The following VTI1A variants were observed in gnomAD, a reference collection of about 807,000 sequenced individuals.
VTI1A encodes the protein vesicle transport through interaction with t-SNAREs 1A, also known as vesicle transport through interaction with t-SNAREs homolog 1A.
A neutral mutation model predicts 34.9 loss-of-function variants in VTI1A; 22 were observed. The ratio of observed to expected loss-of-function variants is 0.63; its 90% CI spans 0.45 to 0.90. The LOEUF (loss-of-function observed/expected upper bound fraction) is 0.90. Among genes scored for constraint, VTI1A ranks in the 40% least tolerant of loss-of-function variants. VTI1A has a pLI of 0.00. For missense variants in VTI1A, 268 were observed against 275.6 expected (o/e 0.97, Z 0.20); for synonymous variants, 87 against 97.3 (o/e 0.89, Z 0.62).
At chr10:112,688,343 CT>C (rs935290383) in intron 7 of VTI1A, among the ~76,000 whole-genome samples, 2 of 151,970 alleles carry the variant, frequency 1.3e-5, no homozygotes, top group African/African-American at 4.8e-5. Context: ...AAAATCACTC[CT>C]AACACCATAA....
At chr10:112,543,964 G>T (rs936231951) in intron 5 of VTI1A, among the ~76,000 whole-genome samples, 1 of 152,138 alleles carries the variant, frequency 6.6e-6, no homozygotes, top group Admixed American at 6.5e-5. Context: ...GTTTTTGTCA[G>T]GTTTCTCAAA....
At chr10:112,498,131 T>C (rs1308116978) in intron 3 of VTI1A, among the ~76,000 whole-genome samples, 1 of 152,196 alleles carries the variant, frequency 6.6e-6, no homozygotes, top group Non-Finnish European at 1.5e-5. Context: ...TCTCCAAGCA[T>C]TCAGAATGCA....
chr10:112,509,399 A>G (rs912633992), intron 3 of VTI1A, among the ~76,000 whole-genome samples: 24 of 152,356 alleles, frequency 1.6e-4, no homozygotes, highest in African/African-American at 3.6e-4. Context: ...AGTGGTAGAA[A>G]GTAGCCCCAA....
At chr10:112,696,690 T>C (rs1243727904) in intron 7 of VTI1A, among the ~76,000 whole-genome samples, 1 of 152,194 alleles carries the variant, frequency 6.6e-6, no homozygotes. Context: ...GGCTGAGTCT[T>C]CGAGAAGAAA....
At chr10:112,754,721 C>T (rs1409918995) in intron 7 of VTI1A, among the ~76,000 whole-genome samples, 1 of 152,298 alleles carries the variant, frequency 6.6e-6, no homozygotes, top group Admixed American at 6.5e-5. Flanking sequence ...GGCAGCTGGC[C>T]AGGCACCCAG....
intron 7 of VTI1A, among the ~76,000 whole-genome samples, chr10:112,719,005 T>C (rs1849703258): frequency 6.6e-6 from 1 of 152,226 alleles, no homozygotes; most frequent in Non-Finnish European, 1.5e-5. Flanking sequence ...GTCAGTGTTT[T>C]CAATATGAAC....
intron 3 of VTI1A, among the ~76,000 whole-genome samples, chr10:112,498,972 G>C (rs1364866267): frequency 6.6e-6 from 1 of 152,122 alleles, no homozygotes; most frequent in African/African-American, 2.4e-5. Context: ...GGGGGCGGGA[G>C]GGTTGGTACC....
chr10:112,697,686 G>A (rs372333119), intron 7 of VTI1A, among the ~76,000 whole-genome samples: 1 of 151,978 alleles, frequency 6.6e-6, no homozygotes, highest in Admixed American at 6.6e-5. Flanking sequence ...GTGAGCCACC[G>A]CGCCCAGCCT....
At chr10:112,623,436 CTT>C (rs36045478) in intron 5 of VTI1A, among the ~76,000 whole-genome samples, 320 of 134,054 alleles carry the variant, frequency 2.4e-3, no homozygotes, top group Middle Eastern at 7.5e-3. Flanking sequence ...TTAAAATAAC[CTT>C]TTTTTTTTTT....
At chr10:112,637,113 GTTTA>G in intron 5 of VTI1A, among the ~76,000 whole-genome samples, 1 of 152,196 alleles carries the variant, frequency 6.6e-6, no homozygotes, top group East Asian at 1.9e-4. Flanking sequence ...ATTAGAAATT[GTTTA>G]TTCCTAACTT....
At chr10:112,654,380 T>C (rs1230970768) in intron 5 of VTI1A, among the ~76,000 whole-genome samples, 1 of 152,202 alleles carries the variant, frequency 6.6e-6, no homozygotes, top group Non-Finnish European at 1.5e-5. Flanking sequence ...TTGAGCTCAG[T>C]TTAGATCTTT....
At chr10:112,602,967 G>C (rs1432218660) in intron 5 of VTI1A, among the ~76,000 whole-genome samples, 1 of 152,142 alleles carries the variant, frequency 6.6e-6, no homozygotes, top group Non-Finnish European at 1.5e-5. Flanking sequence ...TAAACCCAGT[G>C]CATGATTGAA....
intron 7 of VTI1A, among the ~76,000 whole-genome samples, chr10:112,724,983 T>C (rs1344530899): frequency 6.6e-6 from 1 of 152,190 alleles, no homozygotes; most frequent in African/African-American, 2.4e-5. Context: ...AGATGTCTGA[T>C]TTTACCTGTA....
intron 3 of VTI1A, among the ~76,000 whole-genome samples, chr10:112,472,824 G>T (rs1848139945): frequency 1.3e-5 from 2 of 151,944 alleles, no homozygotes; most frequent in Non-Finnish European, 2.9e-5. Flanking sequence ...AAATGAGAAA[G>T]GCTAGACAGA....
chr10:112,623,434 AC>A (rs1486238462), intron 5 of VTI1A, among the ~76,000 whole-genome samples: 2 of 115,120 alleles, frequency 1.7e-5, no homozygotes, highest in East Asian at 4.5e-4. Context: ...TATTAAAATA[AC>A]CTTTTTTTTT....
intron 5 of VTI1A, among the ~76,000 whole-genome samples, chr10:112,590,438 A>G (rs1404572654): frequency 6.6e-6 from 1 of 152,200 alleles, no homozygotes; most frequent in Non-Finnish European, 1.5e-5. Flanking sequence ...TACACTTGCA[A>G]TCCCAGCAAT....
chr10:112,511,034 A>G (rs921275431), intron 3 of VTI1A, among the ~76,000 whole-genome samples: 2 of 152,188 alleles, frequency 1.3e-5, no homozygotes, highest in Admixed American at 1.3e-4. Context: ...AAATTAGCTT[A>G]CCAGGGACCT....
intron 5 of VTI1A, among the ~76,000 whole-genome samples, chr10:112,640,541 A>G (rs1030477075): frequency 6.6e-6 from 1 of 152,126 alleles, no homozygotes; most frequent in Non-Finnish European, 1.5e-5. Flanking sequence ...TCTGGGAAAA[A>G]AAACAAACAA....
chr10:112,578,927 A>C (rs1843815567), intron 5 of VTI1A, among the ~76,000 whole-genome samples: 1 of 152,252 alleles, frequency 6.6e-6, no homozygotes, highest in Admixed American at 6.5e-5. Context: ...TCAGCACATG[A>C]GCCAACTTGC....
Sources: gnomAD v4.1 joint callset for allele counts (sites outside exome capture counted in the v4.1 genomes callset) on GRCh38, gnomAD v4.1.1 for gene constraint, MANE v1.5 for transcripts, NCBI Gene and HGNC (gene_info 2026-07-23, HGNC 2026-07-21) for gene names.